TMEM163: variants seen among roughly 807,000 people sequenced by gnomAD.
The protein encoded by TMEM163 is transmembrane protein 163.
TMEM163 carries 17 observed loss-of-function variants against 29.3 expected under a neutral mutation model. The observed-to-expected ratio is 0.58, with a 90% confidence interval of 0.40 to 0.87. TMEM163 has a LOEUF of 0.87. TMEM163 is among the 40% of genes least tolerant of loss of function. The probability of loss-of-function intolerance (pLI) is 0.00; values close to 1 mark genes in which losing one functional copy is unlikely to be tolerated. For missense variants in TMEM163, 303 were observed against 381.5 expected (o/e 0.79, Z 1.71); for synonymous variants, 157 against 160.6 (o/e 0.98, Z 0.17).
chr2:134,687,344 G>A (rs1020667648), intron 2 of TMEM163, among the ~76,000 whole-genome samples: 4 of 152,146 alleles, frequency 2.6e-5, no homozygotes, highest in African/African-American at 9.7e-5. Context: ...TGGAGAGAGG[G>A]AAAAGGACCC....
Position 134,550,622 on chromosome 2 carries a change from G to A in TMEM163, c.406C>T (p.Leu136=). The A allele has an allele frequency of 6.2e-7, 1 of 1,614,202 alleles. No individual in the cohort carries two copies. The highest frequency in any genetic ancestry group is 1.3e-5 in the African/African-American group (1 of 75,058). ...ILDVLSSAIV[L]WRYSNAAAVH... ...GCGGCCGCGTTGCTGTAACGCCACA[G>A]GACAATCGCCGATGACAGGACGTCC... Residue 136 remains leucine, a synonymous_variant, in exon 4 of 8, where the codon CTG becomes TTG. Transcript: ENST00000281924.
At chr2:134,683,497 C>A (rs1574336730) in intron 2 of TMEM163, among the ~76,000 whole-genome samples, 2 of 150,586 alleles carry the variant, frequency 1.3e-5, no homozygotes, top group South Asian at 4.2e-4. Flanking sequence ...ACCACCAGAA[C>A]AACTTTTCTG....
intron 6 of TMEM163, 43 bp downstream of exon 6, chr2:134,466,071 G>A (rs764455801): frequency 6.2e-6 from 9 of 1,455,202 alleles, no homozygotes; most frequent in Non-Finnish European, 8.6e-6. Context: ...TTCCTCCACT[G>A]TGAGCCCAGC....
chr2:134,711,301 T>C (rs1049670609), intron 2 of TMEM163, among the ~76,000 whole-genome samples: 35 of 152,288 alleles, frequency 2.3e-4, no homozygotes, highest in African/African-American at 7.9e-4. Flanking sequence ...GTTTAAAATA[T>C]GAAACACATA....
intron 5 of TMEM163, among the ~76,000 whole-genome samples, chr2:134,491,217 A>G (rs368537131): frequency 2.2e-3 from 330 of 152,292 alleles, no homozygotes; most frequent in African/African-American, 7.0e-3. Flanking sequence ...GACGAACACC[A>G]GTGTCCTGAA....
At chr2:134,669,111 G>C (rs1336772414) in intron 2 of TMEM163, among the ~76,000 whole-genome samples, 1 of 152,212 alleles carries the variant, frequency 6.6e-6, no homozygotes, top group Non-Finnish European at 1.5e-5. Flanking sequence ...GAACAGGAGG[G>C]GCCATGGGGA....
chr2:134,640,652 C>G (rs1039461631), intron 2 of TMEM163, among the ~76,000 whole-genome samples: 1 of 152,152 alleles, frequency 6.6e-6, no homozygotes, highest in Non-Finnish European at 1.5e-5. Context: ...GGAAAAGACA[C>G]GCCCCAGGGG....
intron 6 of TMEM163, among the ~76,000 whole-genome samples, chr2:134,465,623 T>G (rs750583760): frequency 6.6e-6 from 1 of 152,226 alleles, no homozygotes; most frequent in Non-Finnish European, 1.5e-5. Context: ...TTCTAGCTGG[T>G]TGAGATTCTA....
intron 2 of TMEM163, among the ~76,000 whole-genome samples, chr2:134,576,391 T>G (rs1203916570): frequency 6.6e-6 from 1 of 152,184 alleles, no homozygotes; most frequent in Non-Finnish European, 1.5e-5. Flanking sequence ...GGGGGAAAAC[T>G]GTATCCCCAA....
At chr2:134,543,435 G>A (rs781164119) in intron 4 of TMEM163, among the ~76,000 whole-genome samples, 2 of 152,230 alleles carry the variant, frequency 1.3e-5, no homozygotes, top group Non-Finnish European at 2.9e-5. Context: ...CAAGTTAAGA[G>A]CACTAGACAA....
chr2:134,715,981 A>C (rs868440059), intron 1 of TMEM163, among the ~76,000 whole-genome samples: 2 of 152,220 alleles, frequency 1.3e-5, no homozygotes, highest in South Asian at 2.1e-4. Flanking sequence ...GGAAAGGTAC[A>C]AATACATATG....
chr2:134,621,364 C>T (rs1177074153), intron 2 of TMEM163, among the ~76,000 whole-genome samples: 6 of 152,144 alleles, frequency 3.9e-5, no homozygotes, highest in Admixed American at 2.6e-4. Flanking sequence ...AATGCTTATA[C>T]GATGCTGATG....
At chr2:134,462,813 G>A (rs1351928021) in intron 6 of TMEM163, among the ~76,000 whole-genome samples, 1 of 152,240 alleles carries the variant, frequency 6.6e-6, no homozygotes, top group Non-Finnish European at 1.5e-5. Flanking sequence ...CACAGGGCCA[G>A]TGTTCCAAGG....
chr2:134,538,496 C>T (rs1680591286), intron 4 of TMEM163, among the ~76,000 whole-genome samples: 1 of 152,200 alleles, frequency 6.6e-6, no homozygotes, highest in Non-Finnish European at 1.5e-5. Context: ...TCCCCACAAA[C>T]ACTAGCACAT....
intron 4 of TMEM163, among the ~76,000 whole-genome samples, chr2:134,541,553 T>C (rs919489181): frequency 6.6e-6 from 1 of 152,230 alleles, no homozygotes; most frequent in Non-Finnish European, 1.5e-5. Flanking sequence ...CCTTAAGGCA[T>C]TGGAAATAAC....
intron 5 of TMEM163, among the ~76,000 whole-genome samples, chr2:134,481,051 C>T (rs1469460290): frequency 1.3e-5 from 2 of 152,116 alleles, no homozygotes; most frequent in Non-Finnish European, 1.5e-5. Flanking sequence ...ATTTCTTCTA[C>T]TCTTGGATTT....
chr2:134,592,798 T>G (rs938392531), intron 2 of TMEM163, among the ~76,000 whole-genome samples: 3 of 151,194 alleles, frequency 2.0e-5, no homozygotes, highest in South Asian at 4.2e-4. Flanking sequence ...TTAATATAGA[T>G]ATAGATAGAT....
rs370552458 is a variant in TMEM163, at chr2:134,625,760, C to T, written c.323-73669G>A. Among the ~76,000 whole-genome samples the T allele has an allele frequency of 1.9e-4, 29 of 152,292 alleles. No individual in the cohort carries two copies. The East Asian group carries it at 4.4e-3, about 23-fold the overall frequency. On this transcript the variant is annotated intron_variant, in intron 2 of 7. Coordinates refer to ENST00000281924, the MANE Select transcript of TMEM163 (RefSeq NM_030923.5). ...ACTACGACACAGGACAAAATTAAGC[C>T]TAAGCGTTTACAATCTGGCAAATCT...
intron 5 of TMEM163, among the ~76,000 whole-genome samples, chr2:134,480,128 C>T (rs924856932): frequency 2.6e-5 from 4 of 152,168 alleles, no homozygotes; most frequent in African/African-American, 7.2e-5. Context: ...TTTTCCAGCT[C>T]CTTGCAGAAA....
Sources: gnomAD v4.1 joint callset for allele counts (sites outside exome capture counted in the v4.1 genomes callset) on GRCh38, gnomAD v4.1.1 for gene constraint, MANE v1.5 for transcripts, NCBI Gene and HGNC (gene_info 2026-07-23, HGNC 2026-07-21) for gene names.